MIPOL1: variants seen among roughly 807,000 people sequenced by gnomAD.
MIPOL1 encodes mirror-image polydactyly 1.
MIPOL1 carries 57 observed loss-of-function variants against 60.9 expected under a neutral mutation model. The observed-to-expected ratio is 0.94, with a 90% confidence interval of 0.76 to 1.17. MIPOL1 has a LOEUF of 1.17. Among genes scored for constraint, MIPOL1 ranks in the 50% most tolerant of loss-of-function variants. The pLI is 0.00. For synonymous variants in MIPOL1, 179 were observed against 168.8 expected, an observed-to-expected ratio of 1.06 and a Z score of -0.47; for missense variants, 551 against 511.6, an observed-to-expected ratio of 1.08 and a Z score of -0.74.
At chr14:37,277,132 A>G (rs559208635) in intron 6 of MIPOL1, 15 of 151,380 alleles carry the variant, frequency 9.9e-5, no homozygotes, top group African/African-American at 3.4e-4. Flanking sequence ...CATACAATGG[A>G]CTTTAGCATA....
intron 1 of MIPOL1, among the ~76,000 whole-genome samples, chr14:37,206,163 A>G (rs1966057760): frequency 6.6e-6 from 1 of 152,118 alleles, no homozygotes. Context: ...TCATAGGCCC[A>G]AAGGCCTAGG....
In MIPOL1 at chr14:37,547,006, A is replaced by C. The variant is rs2095550170; in HGVS notation, c.*35A>C. On this transcript the variant is annotated 3_prime_UTR_variant, in exon 13 of 13. Coordinates refer to ENST00000684589, the MANE Select transcript of MIPOL1 (RefSeq NM_001388067.1). ...AACGACAGTCTGGGGAAGCGATCACATCTGGTGACCAGGCTGCTTCATTCA... is the reference window on the plus strand; with the variant it reads ...AACGACAGTCTGGGGAAGCGATCACCTCTGGTGACCAGGCTGCTTCATTCA... 6.3e-7 allele frequency: 1 copy of C among 1,585,832 alleles called. No individual in the cohort carries two copies. The highest frequency in any genetic ancestry group is 2.2e-5 in the East Asian group (1 of 44,724).
At chr14:37,256,311 G>C (rs1319665949) in intron 3 of MIPOL1, among the ~76,000 whole-genome samples, 1 of 151,824 alleles carries the variant, frequency 6.6e-6, no homozygotes, top group Non-Finnish European at 1.5e-5. Flanking sequence ...AATATGATAA[G>C]GGAAGACAGA....
rs775450505 is a variant in MIPOL1 at position 37,268,687 on chromosome 14, A to T, written c.281A>T (p.His94Leu). Residue 94 changes from histidine (H) to leucine (L), a missense_variant, in exon 5 of 13, where the codon CAT becomes CTT. His to Leu is a moderately conservative substitution (Grantham distance 99, BLOSUM62 -3). Coordinates refer to ENST00000684589, the MANE Select transcript of MIPOL1 (RefSeq NM_001388067.1). The part of the protein sequence containing the change: ...NVMEHRHNDM[H>L]YECMTPCQVT... ...ATGGAACATAGACATAATGATATGC[A>T]TTATGAATGTATGACTCCTTGTCAA... 6 of 1,601,898 alleles carry T rather than the reference A, an allele frequency of 3.7e-6. No individual in the cohort carries two copies. The Admixed American group carries it at 8.6e-5, about 23-fold the overall frequency.
chr14:37,362,228 G>A (rs1362985517), intron 9 of MIPOL1, among the ~76,000 whole-genome samples: 1 of 149,078 alleles, frequency 6.7e-6, no homozygotes, highest in African/African-American at 2.4e-5. Flanking sequence ...AATTTGGCAT[G>A]TTTTTGCAGT....
chr14:37,394,629 G>A (rs982317401), intron 10 of MIPOL1, among the ~76,000 whole-genome samples: 26 of 151,358 alleles, frequency 1.7e-4, no homozygotes, highest in South Asian at 4.2e-4. Context: ...TTTTCTTACT[G>A]ATTTGTTTGA....
intron 12 of MIPOL1, among the ~76,000 whole-genome samples, chr14:37,526,731 T>C (rs8005136): frequency 0.68 from 103,995 of 151,832 alleles, 36,470 homozygotes; most frequent in East Asian, 0.85. Flanking sequence ...AAATGAGCAG[T>C]CTTCCTCAAA....
intron 1 of MIPOL1, among the ~76,000 whole-genome samples, chr14:37,225,557 G>A (rs951378270): frequency 6.6e-6 from 1 of 152,158 alleles, no homozygotes; most frequent in Non-Finnish European, 1.5e-5. Context: ...TGGAGCAACT[G>A]GGACACAGGG....
chr14:37,490,126 C>T (rs989209660), intron 11 of MIPOL1, among the ~76,000 whole-genome samples: 5 of 152,140 alleles, frequency 3.3e-5, no homozygotes, highest in African/African-American at 1.2e-4. Context: ...GTGCTGCTGC[C>T]TTTTTTTCCA....
intron 10 of MIPOL1, among the ~76,000 whole-genome samples, chr14:37,381,790 A>G (rs1270229395): frequency 2.0e-5 from 3 of 150,426 alleles, no homozygotes; most frequent in Admixed American, 6.6e-5. Context: ...AGATCTCACT[A>G]TTTTGCCCAG....
intron 6 of MIPOL1, among the ~76,000 whole-genome samples, chr14:37,283,836 G>C (rs1431080722): frequency 6.6e-6 from 1 of 152,036 alleles, no homozygotes; most frequent in Non-Finnish European, 1.5e-5. Flanking sequence ...CTAACCTTTA[G>C]TACCTTAAAT....
intron 1 of MIPOL1, among the ~76,000 whole-genome samples, chr14:37,205,510 C>A (rs1260234727): frequency 6.6e-6 from 1 of 151,688 alleles, no homozygotes; most frequent in Non-Finnish European, 1.5e-5. Context: ...GGTACATGTA[C>A]ACAAAGTGCA....
chr14:37,423,717 GAA>G (rs2093915334), intron 11 of MIPOL1: 1 of 152,074 alleles, frequency 6.6e-6, no homozygotes, highest in African/African-American at 2.4e-5. Flanking sequence ...TTAAGTTTTT[GAA>G]AGATTTTTGT....
At chr14:37,220,014 A>G (rs907226950) in intron 1 of MIPOL1, among the ~76,000 whole-genome samples, 1 of 151,886 alleles carries the variant, frequency 6.6e-6, no homozygotes, top group Non-Finnish European at 1.5e-5. Context: ...ATCCTAAATA[A>G]GACATCGTTA....
intron 12 of MIPOL1, among the ~76,000 whole-genome samples, chr14:37,540,507 A>G (rs2095525519): frequency 6.6e-6 from 1 of 152,166 alleles, no homozygotes; most frequent in Non-Finnish European, 1.5e-5. Flanking sequence ...GCTAAAACTG[A>G]GCAAGAAGTT....
intron 11 of MIPOL1, among the ~76,000 whole-genome samples, chr14:37,452,716 G>T (rs2094436638): frequency 6.6e-6 from 1 of 152,170 alleles, no homozygotes; most frequent in Non-Finnish European, 1.5e-5. Context: ...TTAAACAGAA[G>T]AATGGCACTA....
At chr14:37,492,464 G>T (rs1446310470) in intron 11 of MIPOL1, among the ~76,000 whole-genome samples, 1 of 152,150 alleles carries the variant, frequency 6.6e-6, no homozygotes, top group African/African-American at 2.4e-5. Flanking sequence ...CTTGAGTATT[G>T]TGTAACATTT....
chr14:37,498,187 TG>T (rs1276599158), intron 11 of MIPOL1, among the ~76,000 whole-genome samples: 2 of 152,124 alleles, frequency 1.3e-5, no homozygotes, highest in Admixed American at 6.5e-5. Context: ...ACTTACCTTT[TG>T]GGGAGGGGAA....
chr14:37,413,268 T>C (rs1280073055), intron 10 of MIPOL1, among the ~76,000 whole-genome samples: 2 of 152,130 alleles, frequency 1.3e-5, no homozygotes, highest in Non-Finnish European at 1.5e-5. Context: ...CATTTAAATA[T>C]AAATGTTAAT....
Sources: allele counts gnomAD v4.1 joint callset (sites outside exome capture counted in the v4.1 genomes callset), GRCh38; gene constraint gnomAD v4.1.1; transcripts MANE v1.5; gene names NCBI Gene and HGNC (gene_info 2026-07-23, HGNC 2026-07-21).